ANKRD29: variants seen among roughly 807,000 people sequenced by gnomAD.
ANKRD29 encodes the protein ankyrin repeat domain-containing protein 29.
A neutral mutation model predicts 38.0 loss-of-function variants in ANKRD29; 32 were observed. That is an observed-to-expected ratio of 0.84 (90% CI 0.64 to 1.13). The LOEUF (loss-of-function observed/expected upper bound fraction) is 1.13, where lower values mean the gene tolerates loss of function less well. ANKRD29 is among the 50% of genes most tolerant of loss of function. The pLI is 0.00. For missense variants in ANKRD29, 357 were observed against 377.9 expected (o/e 0.94, Z 0.46); for synonymous variants, 135 against 152.4 (o/e 0.89, Z 0.84).
chr18:23,620,896 T>A (rs2059789034), intron 6 of ANKRD29, among the ~76,000 whole-genome samples: 1 of 152,046 alleles, frequency 6.6e-6, no homozygotes, highest in Non-Finnish European at 1.5e-5. Flanking sequence ...GTGAGCCTGG[T>A]GTCGGGAAGG....
chr18:23,646,455 G>A (rs149071483), intron 2 of ANKRD29, 168 bp from the exon 3 acceptor site: 2 of 488,580 alleles, frequency 4.1e-6, no homozygotes, highest in African/African-American at 2.0e-5. Context: ...AGCCTAGATG[G>A]GAAAAAGCAA....
chr18:23,606,249 C>T (rs116603950), intron 9 of ANKRD29, among the ~76,000 whole-genome samples: 29 of 152,256 alleles, frequency 1.9e-4, no homozygotes, highest in African/African-American at 6.7e-4. Context: ...GTAGTTAGGA[C>T]TACAGGCACA....
At chr18:23,630,898 T>C (rs896869924) in intron 5 of ANKRD29, among the ~76,000 whole-genome samples, 54 of 149,282 alleles carry the variant, frequency 3.6e-4, no homozygotes, top group African/African-American at 1.3e-3. Context: ...GCCTGGGAAG[T>C]TGAGGTTACA....
At chr18:23,662,622 A>AGC in intron 1 of ANKRD29, 88 bp downstream of exon 1, 2 of 65,716 alleles carry the variant, frequency 3.0e-5, no homozygotes, top group Non-Finnish European at 5.5e-5. Context: ...CGCCCACCCC[A>AGC]TCCCACCCCA....
chr18:23,632,529 G>GTATATATATATATATATATATA (rs1319966480), intron 5 of ANKRD29, among the ~76,000 whole-genome samples: 59 of 68,120 alleles, frequency 8.7e-4, no homozygotes, highest in Admixed American at 2.9e-3. Context: ...GTGTGTGTGT[G>GTATATATATATATATATATATA]TGTGTATATA....
rs2145620278 is a variant in ANKRD29, at chr18:23,600,111, C to T, written c.*1115G>A. On this transcript the variant is annotated 3_prime_UTR_variant, in exon 10 of 10. Coordinates refer to ENST00000592179, the MANE Select transcript of ANKRD29 (RefSeq NM_173505.4). ...TTAGGCACTGACTGAGGCATTTAGACACCATTAATTATAAAGTGCATTGAA... is the reference window on the plus strand; with the variant it reads ...TTAGGCACTGACTGAGGCATTTAGATACCATTAATTATAAAGTGCATTGAA... 1 of 152,608 alleles carries T rather than the reference C, an allele frequency of 6.6e-6. No homozygotes were observed. Among genetic ancestry groups the T allele is most frequent in the East Asian group, 1.9e-4 (1 of 5,184 alleles). 9.5% of individuals were successfully genotyped at this position (152,608 alleles called of 1,614,324 possible).
At position 23,662,740 on chromosome 18, in the gene ANKRD29, C is replaced by A; in HGVS notation, c.-10G>T. On this transcript the variant is annotated 5_prime_UTR_variant, in exon 1 of 10. Transcript: ENST00000592179. ...AGGACATCCTGCACATGTCCGCGGC[C>A]GCCCGAGCGGGAGCCGGCGCGCTTT... is the stretch of plus-strand genomic sequence containing the variant. 3 of 1,464,678 alleles carry A rather than the reference C, an allele frequency of 2.0e-6. No homozygotes were observed. Among genetic ancestry groups the A allele is most frequent in the Non-Finnish European group, 2.7e-6 (3 of 1,111,956 alleles). 90.7% of individuals were successfully genotyped at this position (1,464,678 alleles called of 1,614,324 possible). A position where few individuals can be genotyped will look rare whatever the true frequency, so the allele number is the denominator to read the frequency against.
At chr18:23,629,996 A>G (rs1328829936) in intron 5 of ANKRD29, 45 bp from the exon 6 acceptor site, 1 of 1,533,286 alleles carries the variant, frequency 6.5e-7, no homozygotes, top group African/African-American at 1.4e-5. Flanking sequence ...TATCTTTCAC[A>G]CTTATTTTAA....
intron 5 of ANKRD29, among the ~76,000 whole-genome samples, chr18:23,631,885 G>A (rs965377876): frequency 3.3e-5 from 5 of 152,164 alleles, no homozygotes; most frequent in South Asian, 2.1e-4. Context: ...GACAACATTC[G>A]CAGCGCAGGG....
At position 23,649,123 on chromosome 18, in the gene ANKRD29, A is replaced by G; in HGVS notation, c.92T>C (p.Leu31Pro). The G allele has an allele frequency of 1.2e-6, 2 of 1,614,202 alleles. No individual in the cohort carries two copies. Among genetic ancestry groups the G allele is most frequent in the Non-Finnish European group, 1.7e-6 (2 of 1,180,006 alleles). ...CACGTCCACCCGGCCGCTGTTCAACAGCAGCTTCAGCAGCGCCAGGTTTCC... is the reference window on the plus strand; with the variant it reads ...CACGTCCACCCGGCCGCTGTTCAACGGCAGCTTCAGCAGCGCCAGGTTTCC... ...RRGNLALLKL[L>P]LNSGRVDVDC... Residue 31 changes from leucine to proline, a missense_variant, in exon 2 of 10, where the codon CTG becomes CCG. Physicochemically the swap from Leu to Pro is moderately conservative, Grantham distance 98. Transcript: ENST00000592179.
chr18:23,610,669 A>C (rs2059630407), intron 9 of ANKRD29, among the ~76,000 whole-genome samples: 1 of 152,064 alleles, frequency 6.6e-6, no homozygotes, highest in Admixed American at 6.6e-5. Context: ...AATAATAAAT[A>C]AGTAAATAAA....
chr18:23,628,765 C>A (rs1370809284), intron 6 of ANKRD29, among the ~76,000 whole-genome samples: 1 of 148,692 alleles, frequency 6.7e-6, no homozygotes, highest in Non-Finnish European at 1.5e-5. Context: ...ACCCAGGAGG[C>A]GAAGGTTACA....
intron 3 of ANKRD29, among the ~76,000 whole-genome samples, chr18:23,644,824 C>T (rs1044036661): frequency 6.6e-6 from 1 of 152,204 alleles, no homozygotes; most frequent in Non-Finnish European, 1.5e-5. Context: ...TAGCCTGAGC[C>T]TCTCAAGTAA....
chr18:23,613,127 AATCT>A (rs774723382), intron 8 of ANKRD29, among the ~76,000 whole-genome samples: 50 of 151,536 alleles, frequency 3.3e-4, no homozygotes, highest in Non-Finnish European at 6.8e-4. Context: ...AATCTTAGCC[AATCT>A]ATCAACTTCA....
intron 1 of ANKRD29, 93 bp downstream of exon 1, chr18:23,662,617 A>AAACCCCCCCCCCCCCCCCCCCCCCCCC: frequency 7.3e-6 from 1 of 137,646 alleles, no homozygotes. Context: ...GGCAGCGCCC[A>AAACCCCCCCCCCCCCCCCCCCCCCCCC]CCCCATCCCA....
intron 1 of ANKRD29, among the ~76,000 whole-genome samples, chr18:23,656,427 G>A (rs1369453093): frequency 6.6e-6 from 1 of 152,156 alleles, no homozygotes; most frequent in African/African-American, 2.4e-5. Context: ...TAGGGCCTAT[G>A]AGTCTTTCAG....
intron 1 of ANKRD29, among the ~76,000 whole-genome samples, chr18:23,653,966 G>T (rs1049965285): frequency 6.6e-6 from 1 of 152,008 alleles, no homozygotes; most frequent in African/African-American, 2.4e-5. Flanking sequence ...TAACAGAGCC[G>T]GGATTTAAGT....
intron 3 of ANKRD29, among the ~76,000 whole-genome samples, chr18:23,640,627 G>A (rs973921705): frequency 6.6e-6 from 1 of 152,130 alleles, no homozygotes; most frequent in Non-Finnish European, 1.5e-5. Context: ...GACATTCTGA[G>A]ACACAGTTTT....
intron 1 of ANKRD29, among the ~76,000 whole-genome samples, chr18:23,656,374 A>G (rs1339932697): frequency 6.6e-6 from 1 of 152,172 alleles, no homozygotes; most frequent in Non-Finnish European, 1.5e-5. Flanking sequence ...CTCGCCTAAC[A>G]AACCAGGGCC....
Sources: allele counts gnomAD v4.1 joint callset (sites outside exome capture counted in the v4.1 genomes callset), GRCh38; gene constraint gnomAD v4.1.1; transcripts MANE v1.5; gene names NCBI Gene and HGNC (gene_info 2026-07-23, HGNC 2026-07-21).